The following INPP4B variants were observed in gnomAD, a reference collection of about 807,000 sequenced individuals.
INPP4B encodes the protein inositol polyphosphate-4-phosphatase type II B, also known as inositol polyphosphate 4-phosphatase type II.
INPP4B carries 55 observed loss-of-function variants against 122.5 expected under a neutral mutation model. The ratio of observed to expected loss-of-function variants is 0.45; its 90% CI spans 0.36 to 0.56. The LOEUF (loss-of-function observed/expected upper bound fraction) is 0.56, where lower values mean the gene tolerates loss of function less well. INPP4B is among the 20% of genes least tolerant of loss of function. The pLI is 0.00. For missense variants in INPP4B, 1,000 were observed against 1,097.7 expected, an observed-to-expected ratio of 0.91 and a Z score of 1.26; for synonymous variants, 403 against 388.7, an observed-to-expected ratio of 1.04 and a Z score of -0.43.
chr4:142,269,901 A>G (rs1226535354), intron 10 of INPP4B, among the ~76,000 whole-genome samples: 1 of 152,222 alleles, frequency 6.6e-6, no homozygotes, highest in Non-Finnish European at 1.5e-5. Flanking sequence ...TATAGTGTAT[A>G]AAATTCATTT....
chr4:142,379,302 T>C (rs1793188963), intron 7 of INPP4B, among the ~76,000 whole-genome samples: 1 of 152,152 alleles, frequency 6.6e-6, no homozygotes, highest in African/African-American at 2.4e-5. Flanking sequence ...AGTGAGCAGC[T>C]GCAACCTCAG....
At chr4:142,320,063 G>T (rs1044982611) in intron 7 of INPP4B, among the ~76,000 whole-genome samples, 1 of 152,124 alleles carries the variant, frequency 6.6e-6, no homozygotes, top group Non-Finnish European at 1.5e-5. Context: ...TGCAACTCTT[G>T]AACTGTGGTC....
At chr4:142,188,768 A>AT (rs1054229543) in intron 15 of INPP4B, among the ~76,000 whole-genome samples, 22 of 152,080 alleles carry the variant, frequency 1.4e-4, no homozygotes, top group African/African-American at 5.1e-4. Context: ...AGAAATAAAA[A>AT]TTTTTATTCT....
chr4:142,030,070 C>A, intron 25 of INPP4B: 3 of 1,427,510 alleles, frequency 2.1e-6, no homozygotes, highest in South Asian at 1.5e-5. Context: ...CAGCATTGTC[C>A]CCATAATTTA....
At chr4:142,415,730 A>G (rs1052579329) in intron 5 of INPP4B, among the ~76,000 whole-genome samples, 3 of 152,170 alleles carry the variant, frequency 2.0e-5, no homozygotes, top group African/African-American at 7.2e-5. Context: ...ACTATTCACA[A>G]TAGCAAAGAC....
intron 2 of INPP4B, among the ~76,000 whole-genome samples, chr4:142,507,372 A>G (rs2149846428): frequency 6.6e-6 from 1 of 152,268 alleles, no homozygotes; most frequent in Non-Finnish European, 1.5e-5. Context: ...CTGTGCTCCA[A>G]TGCCTCTGGT....
intron 14 of INPP4B, among the ~76,000 whole-genome samples, chr4:142,202,014 A>C (rs1840818122): frequency 6.6e-6 from 1 of 152,048 alleles, no homozygotes; most frequent in African/African-American, 2.4e-5. Flanking sequence ...TAAGCAAACA[A>C]AATACAGTTT....
Position 142,108,176 on chromosome 4 carries a change from G to C in INPP4B, c.2291C>G (p.Ser764Cys). The change falls in exon 23 of 26, where the codon TCT (serine) becomes TGT (cysteine). Residue 764 changes from serine (S) to cysteine (C), a missense_variant. Transcript: ENST00000262992. ...QTLAERFGDV[S>C]LQESINQENF... The stretch of plus-strand genomic sequence containing the variant: ...TTCCTGATTAATACTTTCTTGCAAA[G>C]AGACATCTCCAAACCTACAAACAGA... The C allele has an allele frequency of 1.3e-6, 2 of 1,591,204 alleles. No homozygotes were observed. The highest frequency in any genetic ancestry group is 2.2e-5 in the South Asian group (2 of 90,028).
chr4:142,329,906 G>T (rs902094245), intron 7 of INPP4B, among the ~76,000 whole-genome samples: 4 of 151,848 alleles, frequency 2.6e-5, no homozygotes, highest in African/African-American at 9.7e-5. Context: ...ATATTAAAGG[G>T]CAACACAGCC....
At chr4:142,590,881 C>CAAAAAA (rs59459819) in intron 2 of INPP4B, among the ~76,000 whole-genome samples, 14 of 93,622 alleles carry the variant, frequency 1.5e-4, no homozygotes, top group African/African-American at 4.9e-4. Flanking sequence ...TATCATTCTC[C>CAAAAAA]AAAAAAAAAA....
chr4:142,425,009 G>A (rs1267512124), intron 5 of INPP4B, among the ~76,000 whole-genome samples: 1 of 152,010 alleles, frequency 6.6e-6, no homozygotes, highest in East Asian at 1.9e-4. Flanking sequence ...TTGAATCACA[G>A]GTTACTCCTA....
rs370190589 is a variant in INPP4B at position 142,124,516 on chromosome 4, C to A, written c.1893+72G>T. ...AAATAAAGCTGTCCCAATAAGAATT[C>A]TATTCATCATCAAGGATAGGATGTT... On this transcript the variant is annotated intron_variant, in intron 19 of 25. Transcript: ENST00000262992. The A allele has an allele frequency of 4.5e-6, 6 of 1,343,526 alleles. No homozygotes were observed. In the African/African-American group the frequency reaches 5.8e-5, roughly 13 times the overall value. 83.2% of individuals were successfully genotyped at this position (1,343,526 alleles called of 1,614,324 possible).
At chr4:142,467,195 G>C (rs1454676584) in intron 2 of INPP4B, among the ~76,000 whole-genome samples, 1 of 152,230 alleles carries the variant, frequency 6.6e-6, no homozygotes, top group East Asian at 1.9e-4. Context: ...CTCCAGACCT[G>C]AGAATGGCAG....
At chr4:142,544,166 T>G (rs575586147) in intron 2 of INPP4B, among the ~76,000 whole-genome samples, 1 of 150,510 alleles carries the variant, frequency 6.6e-6, no homozygotes, top group Non-Finnish European at 1.5e-5. Flanking sequence ...TGTAGGAACA[T>G]AGTGGACTGA....
At chr4:142,285,434 A>G (rs1753160055) in intron 9 of INPP4B, among the ~76,000 whole-genome samples, 1 of 152,032 alleles carries the variant, frequency 6.6e-6, no homozygotes, top group Non-Finnish European at 1.5e-5. Context: ...ATTGAGGCTC[A>G]TGACCTCAGA....
intron 2 of INPP4B, among the ~76,000 whole-genome samples, chr4:142,665,675 A>T (rs1202367912): frequency 6.6e-6 from 1 of 152,182 alleles, no homozygotes; most frequent in African/African-American, 2.4e-5. Flanking sequence ...GGGATACTGT[A>T]TGCCATTGAA....
intron 1 of INPP4B, among the ~76,000 whole-genome samples, chr4:142,783,624 C>A (rs973356691): frequency 4.6e-5 from 7 of 152,070 alleles, no homozygotes; most frequent in African/African-American, 1.7e-4. Context: ...TATTAAATAT[C>A]ACATTTTGCA....
chr4:142,735,311 T>C (rs537098948), intron 1 of INPP4B, among the ~76,000 whole-genome samples: 2 of 152,326 alleles, frequency 1.3e-5, no homozygotes, highest in Non-Finnish European at 2.9e-5. Flanking sequence ...ATGCCTGACC[T>C]CTGAAATTAT....
At position 142,603,903 on chromosome 4, in the gene INPP4B, A is replaced by AACACAC. The variant is rs3078719; in HGVS notation, c.-191+121930_-191+121935dup. On this transcript the variant is annotated intron_variant, in intron 2 of 25. Coordinates refer to ENST00000262992, the MANE Select transcript of INPP4B (RefSeq NM_001101669.3). ...TATCCTAATACCAAAACCAGACAAG[A>AACACAC]ACACACACACACACACACACACACA... is the stretch of plus-strand genomic sequence containing the variant. 8.1e-5 allele frequency among the ~76,000 whole-genome samples: 12 copies of AACACAC among 149,028 alleles called. No homozygotes were observed. The South Asian group carries it at 1.3e-3, about 16-fold the overall frequency.
Sources: gnomAD v4.1 joint callset for allele counts (sites outside exome capture counted in the v4.1 genomes callset) on GRCh38, gnomAD v4.1.1 for gene constraint, MANE v1.5 for transcripts, NCBI Gene and HGNC (gene_info 2026-07-23, HGNC 2026-07-21) for gene names.